Variants in CRISPLD2 observed in about 807,000 individuals in gnomAD.
CRISPLD2 encodes cysteine-rich secretory protein LCCL domain-containing 2.
A neutral mutation model predicts 71.1 loss-of-function variants in CRISPLD2; 47 were observed. The observed-to-expected ratio is 0.66, with a 90% CI of 0.52 to 0.84. The LOEUF (loss-of-function observed/expected upper bound fraction) is 0.84, where lower values mean the gene tolerates loss of function less well. Among genes scored for constraint, CRISPLD2 ranks in the 40% least tolerant of loss-of-function variants. CRISPLD2 has a pLI of 0.00. For missense variants in CRISPLD2, 830 were observed against 651.1 expected, an observed-to-expected ratio of 1.27 and a Z score of -2.99; for synonymous variants, 317 against 250.1, an observed-to-expected ratio of 1.27 and a Z score of -2.52.
intron 14 of CRISPLD2, among the ~76,000 whole-genome samples, chr16:84,894,319 C>T (rs1175390830): frequency 6.6e-6 from 1 of 152,114 alleles, no homozygotes; most frequent in South Asian, 2.1e-4. Context: ...TTTTCTTAGA[C>T]CAGAACCATT....
At chr16:84,850,435 G>A (rs1917053493) in intron 4 of CRISPLD2, 133 bp from the exon 5 acceptor site, 2 of 698,636 alleles carry the variant, frequency 2.9e-6, no homozygotes, top group African/African-American at 3.5e-5. Context: ...AATGGGTTAG[G>A]GACTAATATC....
At chr16:84,903,714 G>A (rs2071776017) in intron 14 of CRISPLD2, among the ~76,000 whole-genome samples, 1 of 152,142 alleles carries the variant, frequency 6.6e-6, no homozygotes, top group Admixed American at 6.5e-5. Context: ...GAGATTTGCA[G>A]AATGCCAAAG....
rs113838540 is a variant in CRISPLD2, at chr16:84,894,300, G to C, written c.1439+4937G>C. Among the ~76,000 whole-genome samples the C allele has an allele frequency of 8.1e-4, 124 of 152,324 alleles. 1 individual carries two copies. Among genetic ancestry groups the C allele is most frequent in the African/African-American group, 2.9e-3 (119 of 41,574 alleles). On this transcript the variant is annotated intron_variant, in intron 14 of 14. Coordinates refer to ENST00000262424, the MANE Select transcript of CRISPLD2 (RefSeq NM_031476.4). ...ATGCCGGACATCTGGGTGAATGTCA[G>C]TTCAGAATTTTTCTTAGACCAGAAC...
chr16:84,903,902 C>T (rs1031656236), intron 14 of CRISPLD2, among the ~76,000 whole-genome samples: 1 of 152,212 alleles, frequency 6.6e-6, no homozygotes, highest in African/African-American at 2.4e-5. Context: ...CTCCTGTTCA[C>T]CCCACCAGCT....
chr16:84,848,863 A>G (rs1446971385), intron 3 of CRISPLD2, among the ~76,000 whole-genome samples: 1 of 152,086 alleles, frequency 6.6e-6, no homozygotes, highest in African/African-American at 2.4e-5. Flanking sequence ...TTGACATAAG[A>G]AAGGACTCAT....
chr16:84,895,128 C>G (rs1325295987), intron 14 of CRISPLD2, among the ~76,000 whole-genome samples: 1 of 152,142 alleles, frequency 6.6e-6, no homozygotes, highest in Non-Finnish European at 1.5e-5. Context: ...ATCTCATTCC[C>G]CAACAGCCCT....
intron 14 of CRISPLD2, among the ~76,000 whole-genome samples, chr16:84,899,357 G>T (rs1350651506): frequency 2.7e-5 from 4 of 145,992 alleles, no homozygotes; most frequent in Non-Finnish European, 4.6e-5. Context: ...TCCAAAAAGA[G>T]AATCAGAGGG....
intron 8 of CRISPLD2, among the ~76,000 whole-genome samples, chr16:84,871,884 A>G (rs928158355): frequency 9.3e-6 from 1 of 108,004 alleles, no homozygotes; most frequent in Admixed American, 1.2e-4. Context: ...AAAAAAAAAA[A>G]AAAAAAAAAA....
intron 14 of CRISPLD2, among the ~76,000 whole-genome samples, chr16:84,892,800 G>GC (rs1362419815): frequency 6.6e-6 from 1 of 151,640 alleles, no homozygotes. Context: ...ACATGGTGAA[G>GC]CCCCGTCTCT....
chr16:84,894,170 A>T (rs1013094747), intron 14 of CRISPLD2, among the ~76,000 whole-genome samples: 3 of 152,192 alleles, frequency 2.0e-5, no homozygotes, highest in Admixed American at 2.0e-4. Flanking sequence ...ATAAGAGACT[A>T]GCACCTGCTC....
chr16:84,880,664 T>C lies in CRISPLD2; in HGVS notation c.1305+80T>C, dbSNP rs770038246. 3.7e-5 allele frequency: 38 copies of C among 1,030,154 alleles called. No homozygotes were observed. The South Asian group carries it at 4.9e-4, about 13-fold the overall frequency. The allele number at this position is 1,030,154 out of a possible 1,614,324, so 63.8% of individuals were successfully genotyped here. A position where few individuals can be genotyped will look rare whatever the true frequency, so the allele number is the denominator to read the frequency against. ...CATGCAAGCTCCAAGATCTGGATACTTGAAACTTTATTCCAGTGCCTCTTA... is the reference window on the plus strand; with the variant it reads ...CATGCAAGCTCCAAGATCTGGATACCTGAAACTTTATTCCAGTGCCTCTTA... On this transcript the variant is annotated intron_variant, in intron 13 of 14. Transcript: ENST00000262424.
intron 12 of CRISPLD2, among the ~76,000 whole-genome samples, chr16:84,880,175 C>A (rs556124722): frequency 6.6e-6 from 1 of 152,138 alleles, no homozygotes; most frequent in Non-Finnish European, 1.5e-5. Flanking sequence ...TGTGAACTAG[C>A]CAACATCCAA....
At chr16:84,889,829 T>G (rs951916594) in intron 14 of CRISPLD2, among the ~76,000 whole-genome samples, 1 of 151,610 alleles carries the variant, frequency 6.6e-6, no homozygotes, top group Non-Finnish European at 1.5e-5. Flanking sequence ...AAATGATAGT[T>G]ACATACTAGT....
At chr16:84,890,487 T>C (rs1253000243) in intron 14 of CRISPLD2, among the ~76,000 whole-genome samples, 1 of 152,228 alleles carries the variant, frequency 6.6e-6, no homozygotes, top group African/African-American at 2.4e-5. Context: ...TGACTGTGAA[T>C]GACTGTAGCG....
At chr16:84,904,443 G>T (rs550037382) in intron 14 of CRISPLD2, among the ~76,000 whole-genome samples, 1 of 151,978 alleles carries the variant, frequency 6.6e-6, no homozygotes, top group East Asian at 1.9e-4. Context: ...AATTAGCCCC[G>T]CGTGGTGGTG....
intron 6 of CRISPLD2, 101 bp downstream of exon 6, chr16:84,854,930 C>T: frequency 4.4e-6 from 4 of 911,158 alleles, no homozygotes; most frequent in African/African-American, 3.2e-5. Flanking sequence ...GTCAGTCACC[C>T]CTCCTGGCCC....
intron 11 of CRISPLD2, 24 bp from the exon 12 acceptor site, chr16:84,877,414 T>C (rs1313659601): frequency 6.2e-7 from 1 of 1,611,726 alleles, no homozygotes; most frequent in Non-Finnish European, 8.5e-7. Context: ...GACCTGACCC[T>C]TTCCCCCTTG....
intron 6 of CRISPLD2, chr16:84,863,263 C>T (rs1462933644): frequency 6.6e-6 from 1 of 152,306 alleles, no homozygotes; most frequent in African/African-American, 2.4e-5. Flanking sequence ...GCCAGTTTAC[C>T]TCCACCAACA....
Position 84,838,464 on chromosome 16 carries a change from G to T in CRISPLD2, c.-32G>T, listed in dbSNP as rs760000874. The T allele has an allele frequency of 6.2e-7, 1 of 1,600,508 alleles. No individual in the cohort carries two copies. The highest frequency in any genetic ancestry group is 1.3e-5 in the African/African-American group (1 of 74,696). The stretch of plus-strand genomic sequence containing the variant: ...CTGCCCGAGGAGCCCAGGCTGCCCC[G>T]TGAGTCCCATAGTTGCTGCAGGAGT... On this transcript the variant is annotated 5_prime_UTR_variant, in exon 2 of 15. Coordinates refer to ENST00000262424, the MANE Select transcript of CRISPLD2 (RefSeq NM_031476.4).
Sources: gnomAD v4.1 joint callset for allele counts (sites outside exome capture counted in the v4.1 genomes callset) on GRCh38, gnomAD v4.1.1 for gene constraint, MANE v1.5 for transcripts, NCBI Gene and HGNC (gene_info 2026-07-23, HGNC 2026-07-21) for gene names.